Variants in TSHZ3 observed in about 807,000 individuals in gnomAD.
TSHZ3 encodes the protein teashirt homolog 3.
A neutral mutation model predicts 64.5 loss-of-function variants in TSHZ3; 10 were observed. The ratio of observed to expected loss-of-function variants is 0.16; its 90% CI spans 0.10 to 0.26. The LOEUF (loss-of-function observed/expected upper bound fraction) is 0.26, where lower values mean the gene tolerates loss of function less well. Ranked by LOEUF, TSHZ3 falls within the 10% of genes least tolerant of loss-of-function variation. The pLI is 1.00. For synonymous variants in TSHZ3, 608 were observed against 593.1 expected, an observed-to-expected ratio of 1.03 and a Z score of -0.36; for missense variants, 1,242 against 1,421.7, an observed-to-expected ratio of 0.87 and a Z score of 2.03.
At chr19:31,217,907 C>T (rs1314649694) in intron 4 of TSHZ3, among the ~76,000 whole-genome samples, 2 of 152,080 alleles carry the variant, frequency 1.3e-5, no homozygotes, top group Non-Finnish European at 2.9e-5. Context: ...TGGAATGATA[C>T]AGTATGTAAA....
Position 31,251,643 on chromosome 19 carries a change from G to A in TSHZ3, n.64-8768C>T, listed in dbSNP as rs558144963. ...CAACCCTGCCGTGATATGGGTTCCTGGAACCTTTGCATCTGTCCAGTGGGC... is the reference window on the plus strand; with the variant it reads ...CAACCCTGCCGTGATATGGGTTCCTAGAACCTTTGCATCTGTCCAGTGGGC... On this transcript the variant is annotated intron_variant and non_coding_transcript_variant, in intron 1 of 6. Transcript: ENST00000651361. Among the ~76,000 whole-genome samples, 35 of 152,314 alleles carry A rather than the reference G, an allele frequency of 2.3e-4. No homozygotes were observed. In the South Asian group the frequency reaches 6.2e-3, roughly 27 times the overall value.
intron 1 of TSHZ3, among the ~76,000 whole-genome samples, chr19:31,299,594 G>A (rs939928749): frequency 3.3e-5 from 5 of 152,174 alleles, no homozygotes; most frequent in Admixed American, 1.3e-4. Flanking sequence ...GTTATGGGGT[G>A]CAGGGGAGAA....
chr19:31,172,613 G>A (rs1011397892), intron 5 of TSHZ3, among the ~76,000 whole-genome samples: 3 of 152,178 alleles, frequency 2.0e-5, no homozygotes, highest in African/African-American at 7.2e-5. Context: ...CTAGTGGAAA[G>A]ACAAACAATA....
At chr19:31,304,873 G>A (rs577502816) in intron 1 of TSHZ3, among the ~76,000 whole-genome samples, 5 of 152,356 alleles carry the variant, frequency 3.3e-5, no homozygotes, top group South Asian at 2.1e-4. Flanking sequence ...TCCCCGCAGC[G>A]CACTGGTAAC....
intron 4 of TSHZ3, among the ~76,000 whole-genome samples, chr19:31,214,455 G>C (rs1193139893): frequency 6.6e-6 from 1 of 152,218 alleles, no homozygotes; most frequent in Non-Finnish European, 1.5e-5. Context: ...GACAACAGCA[G>C]ATTGAGAAAG....
At position 31,276,824 on chromosome 19, in the gene TSHZ3, G is replaced by A. The variant is rs201926359; in HGVS notation, c.2969C>T (p.Thr990Met). ...GTGTGACTCTAGGTGACTGATGTAC[G>A]TGGAAGGAGTCCTGATTTGGGACGC... The part of the protein sequence containing the change: ...DCASQIRTPS[T>M]YISHLESHLG... Residue 990 changes from threonine to methionine, a missense_variant, in exon 2 of 2, where the codon ACG becomes ATG. By Grantham distance (81) the Thr-to-Met change is moderately conservative. Coordinates refer to ENST00000240587, the MANE Select transcript of TSHZ3 (RefSeq NM_020856.4). 114 of 1,614,084 alleles carry A rather than the reference G, an allele frequency of 7.1e-5. No individual in the cohort carries two copies. The highest frequency in any genetic ancestry group is 8.3e-5 in the Non-Finnish European group (98 of 1,180,042).
chr19:31,150,117 T>G (rs1288715159), exon 7 of TSHZ3, among the ~76,000 whole-genome samples: 1 of 152,008 alleles, frequency 6.6e-6, no homozygotes, highest in Non-Finnish European at 1.5e-5. Context: ...TTTGGAAAAC[T>G]TTTGCATGCA....
At chr19:31,226,996 T>TTTTTTTTTTTTTTTTTTG (rs1975474460) in intron 4 of TSHZ3, among the ~76,000 whole-genome samples, 1 of 141,328 alleles carries the variant, frequency 7.1e-6, no homozygotes, top group Non-Finnish European at 1.5e-5. Context: ...TTTTTTTTTT[T>TTTTTTTTTTTTTTTTTTG]GAGATGGAAT....
intron 5 of TSHZ3, among the ~76,000 whole-genome samples, chr19:31,191,606 C>T (rs1160445356): frequency 6.6e-6 from 1 of 152,116 alleles, no homozygotes; most frequent in Non-Finnish European, 1.5e-5. Flanking sequence ...TTTTTAATTT[C>T]AGCACTTTGG....
rs759867080 is a variant in TSHZ3, at chr19:31,277,939, A to C, written c.1854T>G (p.Thr618=). 4 of 1,613,980 alleles carry C rather than the reference A, an allele frequency of 2.5e-6. No homozygotes were observed. The highest frequency in any genetic ancestry group is 2.2e-5 in the South Asian group (2 of 91,078). ...HAMEELVKKV[T]EKVAKVEEKM... Reference sequence around the variant, plus strand: ...TCTCCTCCACTTTGGCAACTTTCTCAGTGACCTTTTTCACCAGCTCCTCCA... The same window carrying C: ...TCTCCTCCACTTTGGCAACTTTCTCCGTGACCTTTTTCACCAGCTCCTCCA... Residue 618 remains threonine, a synonymous_variant, in exon 2 of 2, where the codon ACT becomes ACG. Coordinates refer to ENST00000240587, the MANE Select transcript of TSHZ3 (RefSeq NM_020856.4). The surrounding 1 kb of genome is among the most constrained non-coding windows in gnomAD (Gnocchi z 4.5).
At chr19:31,303,478 C>G (rs941735411) in intron 1 of TSHZ3, among the ~76,000 whole-genome samples, 1 of 152,098 alleles carries the variant, frequency 6.6e-6, no homozygotes, top group Non-Finnish European at 1.5e-5. Flanking sequence ...GCATGGACCA[C>G]TTGACCTGCA....
At chr19:31,219,382 G>T (rs1015906415) in intron 4 of TSHZ3, among the ~76,000 whole-genome samples, 22 of 152,106 alleles carry the variant, frequency 1.4e-4, no homozygotes, top group African/African-American at 5.3e-4. Context: ...TTCTTATCAA[G>T]TCCAATCAGT....
chr19:31,236,252 C>A (rs1414585504), intron 3 of TSHZ3, among the ~76,000 whole-genome samples: 1 of 152,200 alleles, frequency 6.6e-6, no homozygotes, highest in Non-Finnish European at 1.5e-5. Context: ...TACATTCACA[C>A]CAACGGTGTA....
In TSHZ3 at chr19:31,246,317, A is replaced by G. The variant is rs938048021; in HGVS notation, n.64-3442T>C. Reference sequence around the variant, plus strand: ...GGTATGGGTGAATGTGGAGGATACAATCTTTCTTACCTGTATTTAAAATCA... The same window carrying G: ...GGTATGGGTGAATGTGGAGGATACAGTCTTTCTTACCTGTATTTAAAATCA... On this transcript the variant is annotated intron_variant and non_coding_transcript_variant, in intron 1 of 6. Coordinates refer to the TSHZ3 transcript ENST00000651361. Among the ~76,000 whole-genome samples, 10 of 152,340 alleles carry G rather than the reference A, an allele frequency of 6.6e-5. No homozygotes were observed. In the East Asian group the frequency reaches 1.7e-3, roughly 26 times the overall value.
Position 31,278,219 on chromosome 19 carries a change from G to C in TSHZ3, c.1574C>G (p.Ser525Cys). The change falls in exon 2 of 2, where the codon TCC (serine) becomes TGC (cysteine). Residue 525 changes from serine (S) to cysteine (C), a missense_variant. By Grantham distance (112) the Ser-to-Cys change is moderately radical. Transcript: ENST00000240587. This position sits in a 1 kb window ranked among gnomAD's most constrained non-coding sequence, Gnocchi z 4.7. ...SPKGGLDILK[S>C]LENTVTSAIN... ...TGCGGATGTCACTGTGTTTTCCAAG[G>C]ATTTGAGGATATCAAGCCCCCCCTT... 1.2e-6 allele frequency: 2 copies of C among 1,614,146 alleles called. No individual in the cohort carries two copies. Among genetic ancestry groups the C allele is most frequent in the Non-Finnish European group, 1.7e-6 (2 of 1,180,032 alleles).
intron 1 of TSHZ3, among the ~76,000 whole-genome samples, chr19:31,251,635 G>A (rs541644292): frequency 6.6e-6 from 1 of 152,170 alleles, no homozygotes; most frequent in Non-Finnish European, 1.5e-5. Context: ...GCCGTGATAT[G>A]GGTTCCTGGA....
intron 5 of TSHZ3, among the ~76,000 whole-genome samples, chr19:31,160,415 A>C (rs750498): frequency 0.22 from 33,495 of 152,192 alleles, 4,426 homozygotes; most frequent in East Asian, 0.36. Flanking sequence ...GCAGCTCTTC[A>C]GAGTGACAAC....
rs144070575 is a variant in TSHZ3 at position 31,323,513 on chromosome 19, C to A, written c.40+25667G>T. Among the ~76,000 whole-genome samples, 264 of 152,232 alleles carry A rather than the reference C, an allele frequency of 1.7e-3. 1 individual carries two copies. In the South Asian group the frequency reaches 0.022, roughly 13 times the overall value. On this transcript the variant is annotated intron_variant, in intron 1 of 1. Coordinates refer to ENST00000240587, the MANE Select transcript of TSHZ3 (RefSeq NM_020856.4). The stretch of plus-strand genomic sequence containing the variant: ...CAATGCATATTTTTCCTTTTCTTTT[C>A]TTTATCTTTGTTGTGGGTTTTGTTG...
chr19:31,207,082 A>C (rs1975189484), intron 4 of TSHZ3, among the ~76,000 whole-genome samples: 2 of 152,222 alleles, frequency 1.3e-5, no homozygotes, highest in African/African-American at 2.4e-5. Flanking sequence ...AAAACCTGCA[A>C]ACATAAACCT....
Sources: allele counts gnomAD v4.1 joint callset (sites outside exome capture counted in the v4.1 genomes callset), GRCh38; gene constraint gnomAD v4.1.1; non-coding constraint Gnocchi (gnomAD v3.1); transcripts MANE v1.5; gene names NCBI Gene and HGNC (gene_info 2026-07-23, HGNC 2026-07-21).